The following ALG9 variants were observed in gnomAD, a reference collection of about 807,000 sequenced individuals.
ALG9 encodes the protein ALG9 alpha-1,2-mannosyltransferase.
In ALG9, 55 loss-of-function variants were observed where a neutral mutation model predicts 81.8. The ratio of observed to expected loss-of-function variants is 0.67; its 90% CI spans 0.54 to 0.84. The LOEUF (loss-of-function observed/expected upper bound fraction) is 0.84. ALG9 is among the 40% of genes least tolerant of loss of function. The probability of loss-of-function intolerance (pLI) is 0.00; values close to 1 mark genes in which losing one functional copy is unlikely to be tolerated. For synonymous variants in ALG9, 278 were observed against 274.3 expected, an observed-to-expected ratio of 1.01 and a Z score of -0.13; for missense variants, 629 against 745.0, an observed-to-expected ratio of 0.84 and a Z score of 1.81.
chr11:111,813,843 T>C (rs1046812097), intron 13 of ALG9, among the ~76,000 whole-genome samples: 2 of 152,240 alleles, frequency 1.3e-5, no homozygotes, highest in Non-Finnish European at 2.9e-5. Context: ...ACAACAATTA[T>C]ATATTACTAA....
At chr11:111,817,013 T>TA (rs1555098051) in intron 13 of ALG9, among the ~76,000 whole-genome samples, 1 of 152,016 alleles carries the variant, frequency 6.6e-6, no homozygotes, top group Non-Finnish European at 1.5e-5. Context: ...TAATAAAAGT[T>TA]AAAGAGAAAA....
intron 14 of ALG9, among the ~76,000 whole-genome samples, chr11:111,794,558 G>T (rs1466080800): frequency 6.6e-6 from 1 of 152,118 alleles, no homozygotes; most frequent in Non-Finnish European, 1.5e-5. Flanking sequence ...TAGTGGGACT[G>T]CAGGCATGAG....
intron 13 of ALG9, among the ~76,000 whole-genome samples, chr11:111,815,408 C>T (rs548759640): frequency 6.6e-6 from 1 of 151,854 alleles, no homozygotes; most frequent in South Asian, 2.1e-4. Context: ...GTCTCTAAAA[C>T]TAAAAAAAAG....
At position 111,794,393 on chromosome 11, in the gene ALG9, C is replaced by T. The variant is rs140358469; in HGVS notation, c.1734-7873G>A. On this transcript the variant is annotated intron_variant, in intron 14 of 14. Coordinates refer to ENST00000616540, the MANE Select transcript of ALG9 (RefSeq NM_024740.2). Reference sequence around the variant, plus strand: ...CGACCTCCTGGGTTCAAGTGATCCTCCCTGATCTGTCTCCAGAGTAATGGG... The same window carrying T: ...CGACCTCCTGGGTTCAAGTGATCCTTCCTGATCTGTCTCCAGAGTAATGGG... Among the ~76,000 whole-genome samples the T allele has an allele frequency of 4.5e-3, 680 of 152,276 alleles. 2 individuals carry two copies. Among genetic ancestry groups the T allele is most frequent in the Non-Finnish European group, 7.5e-3 (509 of 68,020 alleles).
intron 13 of ALG9, 67 bp downstream of exon 13, chr11:111,836,098 T>C (rs1262575410): frequency 1.0e-5 from 16 of 1,604,938 alleles, no homozygotes; most frequent in Non-Finnish European, 1.2e-5. Context: ...TGCTCTAATA[T>C]ACACACCAAC....
At chr11:111,859,816 A>G (rs140509511) in intron 5 of ALG9, among the ~76,000 whole-genome samples, 128 of 152,096 alleles carry the variant, frequency 8.4e-4, no homozygotes, top group Non-Finnish European at 1.7e-3. Flanking sequence ...TTTTGTGTAT[A>G]CTCTGTATAT....
chr11:111,801,403 A>T (rs1949105792), intron 14 of ALG9, among the ~76,000 whole-genome samples: 1 of 152,230 alleles, frequency 6.6e-6, no homozygotes, highest in Non-Finnish European at 1.5e-5. Flanking sequence ...TATACTAGAA[A>T]ATGCTGAGGA....
chr11:111,839,064 T>C (rs1442309389), intron 10 of ALG9, among the ~76,000 whole-genome samples: 1 of 152,172 alleles, frequency 6.6e-6, no homozygotes, highest in Non-Finnish European at 1.5e-5. Flanking sequence ...TTGGAATCTA[T>C]CCTGAGGAAT....
chr11:111,801,381 G>A (rs1949103584), intron 14 of ALG9, among the ~76,000 whole-genome samples: 1 of 152,178 alleles, frequency 6.6e-6, no homozygotes, highest in Non-Finnish European at 1.5e-5. Context: ...TGTTTTTGCA[G>A]TTAGACCAAT....
chr11:111,844,826 A>G (rs2136938614), intron 8 of ALG9, 103 bp from the exon 9 acceptor site: 5 of 1,316,736 alleles, frequency 3.8e-6, no homozygotes, highest in Non-Finnish European at 5.4e-6. Context: ...TGATGATCCT[A>G]TGCCTCATGG....
intron 8 of ALG9, 133 bp downstream of exon 8, chr11:111,853,247 T>C: frequency 1.4e-6 from 1 of 736,012 alleles, no homozygotes; most frequent in East Asian, 2.7e-5. Context: ...TCAGATGTCA[T>C]TTTTAAATAG....
intron 5 of ALG9, among the ~76,000 whole-genome samples, chr11:111,859,528 A>G (rs1225971753): frequency 6.6e-6 from 1 of 151,982 alleles, no homozygotes; most frequent in Admixed American, 6.6e-5. Flanking sequence ...AGAAAAGAAA[A>G]GAAAAAAAGT....
chr11:111,848,760 C>A (rs1957305787), intron 8 of ALG9, among the ~76,000 whole-genome samples: 1 of 152,096 alleles, frequency 6.6e-6, no homozygotes, highest in African/African-American at 2.4e-5. Context: ...AATATTCAAT[C>A]TTTTTGCTTC....
At chr11:111,810,058 C>T (rs777154099) in intron 13 of ALG9, among the ~76,000 whole-genome samples, 77 of 152,296 alleles carry the variant, frequency 5.1e-4, no homozygotes, top group Non-Finnish European at 1.1e-3. Flanking sequence ...CATGAGCCCA[C>T]AATCTCCCTC....
At chr11:111,821,740 A>C (rs1229846964) in intron 13 of ALG9, among the ~76,000 whole-genome samples, 1 of 151,468 alleles carries the variant, frequency 6.6e-6, no homozygotes, top group Non-Finnish European at 1.5e-5. Flanking sequence ...GGTTCACGCC[A>C]TTCTCCTGCC....
chr11:111,831,816 T>C (rs1032834481), intron 13 of ALG9, among the ~76,000 whole-genome samples: 3 of 152,250 alleles, frequency 2.0e-5, no homozygotes, highest in Non-Finnish European at 2.9e-5. Flanking sequence ...AAATAAAGAA[T>C]ATTTTGAACT....
rs532998486 is a variant in ALG9, at chr11:111,858,676, ACT to A, written c.566-941_566-940del. 8.8e-4 allele frequency among the ~76,000 whole-genome samples: 134 copies of A among 152,200 alleles called. 2 individuals carry two copies. The highest frequency in any genetic ancestry group is 7.8e-4 in the Non-Finnish European group (53 of 68,042). On this transcript the variant is annotated intron_variant, in intron 5 of 14. Transcript: ENST00000616540. Reference sequence around the variant, plus strand: ...ACAATTGATTAAAGTGTTTCTAGTAACTCTGAACAAAAATGCAGATCTGCCTC... The same window carrying A: ...ACAATTGATTAAAGTGTTTCTAGTAACTGAACAAAAATGCAGATCTGCCTC...
At chr11:111,867,076 CAG>C (rs1962732750) in intron 3 of ALG9, among the ~76,000 whole-genome samples, 1 of 152,222 alleles carries the variant, frequency 6.6e-6, no homozygotes, top group African/African-American at 2.4e-5. Flanking sequence ...GCCTGGGCGA[CAG>C]AGTGAGACTT....
At chr11:111,805,599 G>A (rs1949800353) in intron 14 of ALG9, among the ~76,000 whole-genome samples, 1 of 152,220 alleles carries the variant, frequency 6.6e-6, no homozygotes, top group Non-Finnish European at 1.5e-5. Flanking sequence ...TGACATTCTG[G>A]AAAAGGCAAA....
Sources: gnomAD v4.1 joint callset for allele counts (sites outside exome capture counted in the v4.1 genomes callset) on GRCh38, gnomAD v4.1.1 for gene constraint, MANE v1.5 for transcripts, NCBI Gene and HGNC (gene_info 2026-07-23, HGNC 2026-07-21) for gene names.